ARHGEF18: variants seen among roughly 807,000 people sequenced by gnomAD.
The protein encoded by ARHGEF18 is rho guanine nucleotide exchange factor 18.
A neutral mutation model predicts 155.7 loss-of-function variants in ARHGEF18; 93 were observed. The observed-to-expected ratio is 0.60, with a 90% CI of 0.50 to 0.71. The LOEUF (loss-of-function observed/expected upper bound fraction) is 0.71. Ranked by LOEUF, ARHGEF18 falls within the 30% of genes least tolerant of loss-of-function variation. The pLI is 0.00. For missense variants in ARHGEF18, 1,593 were observed against 1,816.1 expected (o/e 0.88, Z 2.23); for synonymous variants, 742 against 753.1 (o/e 0.99, Z 0.24).
chr19:7,357,612 C>T (rs1412890421), intron 1 of ARHGEF18, among the ~76,000 whole-genome samples: 1 of 152,138 alleles, frequency 6.6e-6, no homozygotes, highest in Non-Finnish European at 1.5e-5. Context: ...GCTTAGCTCC[C>T]CTGGGAGAGT....
At chr19:7,447,209 G>A (rs781225555) in intron 15 of ARHGEF18, 41 bp downstream of exon 15, 2 of 1,547,708 alleles carry the variant, frequency 1.3e-6, no homozygotes, top group South Asian at 2.3e-5. Context: ...CTTATATTCT[G>A]GCCGGGCGCA....
intron 10 of ARHGEF18, among the ~76,000 whole-genome samples, chr19:7,405,205 C>T (rs1359460813): frequency 6.6e-6 from 1 of 152,140 alleles, no homozygotes; most frequent in Non-Finnish European, 1.5e-5. Flanking sequence ...GCAATCCGCC[C>T]GCCTCAGCCT....
At chr19:7,366,374 T>C (rs778070718) in intron 2 of ARHGEF18, among the ~76,000 whole-genome samples, 11 of 152,222 alleles carry the variant, frequency 7.2e-5, no homozygotes, top group African/African-American at 2.7e-4. Context: ...ACCTCAGCCA[T>C]AGGAACATTT....
In ARHGEF18 at chr19:7,395,480, C is replaced by G. The variant is rs1820688; in HGVS notation, c.967+12277C>G. Among the ~76,000 whole-genome samples, 27,650 of 151,992 alleles carry G rather than the reference C, an allele frequency of 0.18. 5,645 individuals are homozygous for G. Among genetic ancestry groups the G allele is most frequent in the African/African-American group, 0.5 (20,902 of 41,454 alleles). On this transcript the variant is annotated intron_variant, in intron 10 of 28. Transcript: ENST00000668164. This position sits in a 1 kb window ranked among gnomAD's most constrained non-coding sequence, Gnocchi z 5.0. ...TGCAGAGGTGCAGACGATGCCCGCC[C>G]GCTCCGTCCGAGCCCCAGCCAGTCC... is the stretch of plus-strand genomic sequence containing the variant.
At chr19:7,361,320 C>G (rs1969538378) in intron 1 of ARHGEF18, among the ~76,000 whole-genome samples, 1 of 152,122 alleles carries the variant, frequency 6.6e-6, no homozygotes, top group Non-Finnish European at 1.5e-5. Flanking sequence ...TACGTGTAAT[C>G]CCAGCTACTC....
In ARHGEF18 at chr19:7,462,339, G is replaced by A; in HGVS notation, c.2635+5G>A. Reference sequence around the variant, plus strand: ...TCAAGTCGGCCATGAGCGAGAGTAAGTTGGCTGCCCACACCTCAAGGGTGC... The same window carrying A: ...TCAAGTCGGCCATGAGCGAGAGTAAATTGGCTGCCCACACCTCAAGGGTGC... On this transcript the variant is annotated splice_donor_5th_base_variant and intron_variant, in intron 21 of 28. Transcript: ENST00000668164. The surrounding 1 kb of genome is among the most constrained non-coding windows in gnomAD (Gnocchi z 4.4). 6.3e-7 allele frequency: 1 copy of A among 1,581,112 alleles called. No homozygotes were observed. The highest frequency in any genetic ancestry group is 8.6e-7 in the Non-Finnish European group (1 of 1,164,670).
intron 17 of ARHGEF18, among the ~76,000 whole-genome samples, 157 bp downstream of exon 17, chr19:7,453,872 T>C (rs1975660636): frequency 6.6e-6 from 1 of 151,774 alleles, no homozygotes; most frequent in Non-Finnish European, 1.5e-5. Flanking sequence ...GTGGGTACTC[T>C]CTTGATTGGT....
intron 2 of ARHGEF18, among the ~76,000 whole-genome samples, chr19:7,364,247 TGATG>T (rs967303422): frequency 1.1e-4 from 16 of 147,796 alleles, no homozygotes; most frequent in African/African-American, 4.0e-4. Flanking sequence ...ATGGATGGGT[TGATG>T]GAAGGAAGGA....
intron 1 of ARHGEF18, among the ~76,000 whole-genome samples, chr19:7,361,991 G>GGAAGAAGAAGAAGAA (rs1185709548): frequency 7.6e-5 from 6 of 79,116 alleles, no homozygotes; most frequent in South Asian, 4.8e-4. Flanking sequence ...AAGACTCTGT[G>GGAAGAAGAAGAAGAA]GAAGAAGAAG....
chr19:7,349,991 G>T (rs1692304478), intron 1 of ARHGEF18, among the ~76,000 whole-genome samples: 3 of 152,142 alleles, frequency 2.0e-5, no homozygotes, highest in Admixed American at 2.0e-4. Flanking sequence ...GTCTTGTCCT[G>T]ATCTGAAATC....
chr19:7,402,140 G>T (rs1972046417), intron 10 of ARHGEF18, among the ~76,000 whole-genome samples: 1 of 152,174 alleles, frequency 6.6e-6, no homozygotes, highest in Non-Finnish European at 1.5e-5. Flanking sequence ...TTGACTGTAG[G>T]CTGGGCGCAG....
chr19:7,468,324 T>TG (rs1313912596), intron 26 of ARHGEF18, among the ~76,000 whole-genome samples: 1 of 151,570 alleles, frequency 6.6e-6, no homozygotes, highest in African/African-American at 2.4e-5. Flanking sequence ...GCCGGAGGAT[T>TG]GCTTGAGGCT....
chr19:7,428,469 T>C (rs1973777957), intron 10 of ARHGEF18, among the ~76,000 whole-genome samples: 1 of 152,100 alleles, frequency 6.6e-6, no homozygotes, highest in South Asian at 2.1e-4. Context: ...CATAGCTCAC[T>C]GTAGCCTCGA....
chr19:7,456,464 C>T (rs547292800), intron 18 of ARHGEF18, 61 bp downstream of exon 18: 329 of 1,518,432 alleles, frequency 2.2e-4, no homozygotes, highest in Middle Eastern at 6.8e-4. Context: ...CGTCTATAAT[C>T]CCAGCACTTT....
chr19:7,460,084 C>A lies in ARHGEF18; in HGVS notation c.2452+90C>A, dbSNP rs545063844. 6 of 1,275,706 alleles carry A rather than the reference C, an allele frequency of 4.7e-6. No homozygotes were observed. In the East Asian group the frequency reaches 1.0e-4, roughly 22 times the overall value. The allele number at this position is 1,275,706 out of a possible 1,614,324, so 79.0% of individuals were successfully genotyped here. On this transcript the variant is annotated intron_variant, in intron 20 of 28. Transcript: ENST00000668164. ...TGGCCACAGAGGGTGAACTGCCCCC[C>A]AGGTGACCCGGTGTTTTCCCGTGGG...
intron 18 of ARHGEF18, among the ~76,000 whole-genome samples, chr19:7,457,033 G>A (rs1975877441): frequency 1.3e-5 from 2 of 152,192 alleles, no homozygotes; most frequent in African/African-American, 2.4e-5. Context: ...ACCGTGCCCA[G>A]CTGCTGGTGT....
chr19:7,376,977 G>A (rs1412756052), intron 5 of ARHGEF18, among the ~76,000 whole-genome samples: 1 of 152,168 alleles, frequency 6.6e-6, no homozygotes, highest in African/African-American at 2.4e-5. Flanking sequence ...GGGACCTCCA[G>A]CATCTGTCCC....
At chr19:7,352,034 GCTGTTGCTATTGT>G (rs1249047940) in intron 1 of ARHGEF18, among the ~76,000 whole-genome samples, 2 of 151,940 alleles carry the variant, frequency 1.3e-5, no homozygotes, top group African/African-American at 2.4e-5. Flanking sequence ...CTCCTGTAGG[GCTGTTGCTATTGT>G]CTGTGTTTCT....
At chr19:7,461,275 G>A (rs1976237881) in intron 20 of ARHGEF18, among the ~76,000 whole-genome samples, 1 of 149,288 alleles carries the variant, frequency 6.7e-6, no homozygotes, top group Admixed American at 6.8e-5. Context: ...TAGGCTGGGT[G>A]CGGTGGCTCA....
Sources: gnomAD v4.1 joint callset for allele counts (sites outside exome capture counted in the v4.1 genomes callset) on GRCh38, gnomAD v4.1.1 for gene constraint, Gnocchi (gnomAD v3.1) non-coding constraint, MANE v1.5 for transcripts, NCBI Gene and HGNC (gene_info 2026-07-23, HGNC 2026-07-21) for gene names.